NIM1K: variants seen among roughly 807,000 people sequenced by gnomAD.
NIM1K encodes the protein NIM1 serine/threonine protein kinase, also known as serine/threonine-protein kinase NIM1.
In NIM1K, 35 loss-of-function variants were observed where a neutral mutation model predicts 37.1. The observed-to-expected ratio is 0.94, with a 90% CI of 0.72 to 1.25. The LOEUF is 1.25. Ranked by LOEUF, NIM1K falls within the 50% of genes most tolerant of loss-of-function variation. The pLI is 0.00. For synonymous variants in NIM1K, 234 were observed against 206.6 expected, an observed-to-expected ratio of 1.13 and a Z score of -1.14; for missense variants, 564 against 548.0, an observed-to-expected ratio of 1.03 and a Z score of -0.29.
intron 2 of NIM1K, among the ~76,000 whole-genome samples, chr5:43,252,493 A>G (rs2112271533): frequency 6.6e-6 from 1 of 152,266 alleles, no homozygotes; most frequent in South Asian, 2.1e-4. Context: ...GACAGTTTGA[A>G]TAAGATAATA....
chr5:43,218,759 C>G (rs1293001538), intron 1 of NIM1K, among the ~76,000 whole-genome samples: 1 of 150,970 alleles, frequency 6.6e-6, no homozygotes, highest in Non-Finnish European at 1.5e-5. Context: ...TTCTGTCTCC[C>G]AGGCCCCAGT....
chr5:43,262,547 T>A (rs953534745), intron 2 of NIM1K, among the ~76,000 whole-genome samples: 1 of 152,096 alleles, frequency 6.6e-6, no homozygotes, highest in Non-Finnish European at 1.5e-5. Flanking sequence ...ATCATGTCAT[T>A]TGCAAACAGG....
At chr5:43,258,328 A>T (rs1458717447) in intron 2 of NIM1K, among the ~76,000 whole-genome samples, 3 of 152,236 alleles carry the variant, frequency 2.0e-5, no homozygotes, top group African/African-American at 7.2e-5. Context: ...TGAATGTAGT[A>T]CCACAATTTA....
At chr5:43,193,401 C>T (rs1385288288) in intron 1 of NIM1K, 1 of 150,342 alleles carries the variant, frequency 6.7e-6, no homozygotes, top group East Asian at 2.0e-4. Context: ...CCCCTTCCCT[C>T]CCCTGTTTTC....
chr5:43,272,572 C>T (rs560194554), intron 2 of NIM1K, among the ~76,000 whole-genome samples: 140 of 152,250 alleles, frequency 9.2e-4, no homozygotes, highest in African/African-American at 2.7e-3. Context: ...CAGCCCCTCA[C>T]GGTAAGGCTG....
chr5:43,226,702 C>T (rs1220713584), intron 1 of NIM1K, among the ~76,000 whole-genome samples: 1 of 152,192 alleles, frequency 6.6e-6, no homozygotes, highest in African/African-American at 2.4e-5. Context: ...CAGCATGATG[C>T]CTGTGATGGC....
At chr5:43,229,464 A>G (rs1490403570) in intron 1 of NIM1K, among the ~76,000 whole-genome samples, 1 of 151,998 alleles carries the variant, frequency 6.6e-6, no homozygotes, top group Admixed American at 6.6e-5. Flanking sequence ...GATGTATCAG[A>G]AAACTAAAAT....
At chr5:43,232,026 G>A (rs943009448) in intron 1 of NIM1K, 4 of 1,023,544 alleles carry the variant, frequency 3.9e-6, no homozygotes, top group South Asian at 1.2e-5. Flanking sequence ...CAATGGCTGT[G>A]GTATTGCTCA....
chr5:43,260,572 A>G (rs1753011857), intron 2 of NIM1K, among the ~76,000 whole-genome samples: 1 of 152,026 alleles, frequency 6.6e-6, no homozygotes, highest in Admixed American at 6.6e-5. Context: ...TATCATATTT[A>G]TTGACTTGCA....
chr5:43,268,910 C>G (rs1289832375), intron 2 of NIM1K, among the ~76,000 whole-genome samples: 1 of 151,138 alleles, frequency 6.6e-6, no homozygotes, highest in Non-Finnish European at 1.5e-5. Context: ...CCATAATTGT[C>G]TCAGTGATAT....
chr5:43,277,311 G>A lies in NIM1K; in HGVS notation c.547G>A (p.Ala183Thr). The A allele has an allele frequency of 1.9e-6, 3 of 1,613,920 alleles. No individual in the cohort carries two copies. The highest frequency in any genetic ancestry group is 2.5e-6 in the Non-Finnish European group (3 of 1,179,922). Reference sequence around the variant, plus strand: ...GCTCATCTTCTCCCAGATTGTGTCTGCCGTGAAGCACATGGTGAGCAGGGG... The same window carrying A: ...GCTCATCTTCTCCCAGATTGTGTCTACCGTGAAGCACATGGTGAGCAGGGG... ...SKLIFSQIVS[A>T]VKHMHENQII... Residue 183 changes from alanine to threonine, a missense_variant, in exon 3 of 4, where the codon GCC becomes ACC. By Grantham distance (58) the Ala-to-Thr change is moderately conservative. Transcript: ENST00000326035.
chr5:43,275,218 C>A (rs543415573), intron 2 of NIM1K, among the ~76,000 whole-genome samples: 1 of 152,152 alleles, frequency 6.6e-6, no homozygotes, highest in Non-Finnish European at 1.5e-5. Flanking sequence ...TATTTTTCCT[C>A]ACTTGTATAG....
intron 2 of NIM1K, among the ~76,000 whole-genome samples, chr5:43,264,302 CT>C (rs1261284688): frequency 1.3e-5 from 2 of 152,162 alleles, no homozygotes; most frequent in Non-Finnish European, 2.9e-5. Context: ...AATCTGGGTG[CT>C]CTTTTATTGG....
At chr5:43,249,232 G>A (rs1401051720) in intron 2 of NIM1K, among the ~76,000 whole-genome samples, 8 of 151,844 alleles carry the variant, frequency 5.3e-5, no homozygotes. Flanking sequence ...ACCACGCCCG[G>A]CTAATTTTTT....
chr5:43,195,031 CTG>C (rs990993557), intron 1 of NIM1K, among the ~76,000 whole-genome samples: 1 of 152,154 alleles, frequency 6.6e-6, no homozygotes, highest in Non-Finnish European at 1.5e-5. Context: ...AATCTGATCA[CTG>C]TATTTCTCTA....
intron 1 of NIM1K, among the ~76,000 whole-genome samples, chr5:43,239,277 C>A (rs541777031): frequency 6.6e-6 from 1 of 152,136 alleles, no homozygotes; most frequent in South Asian, 2.1e-4. Flanking sequence ...ACTCTTGTTG[C>A]CCAGGCTGGA....
rs555453614 is a variant in NIM1K at position 43,264,216 on chromosome 5, T to C, written c.293-12841T>C. On this transcript the variant is annotated intron_variant, in intron 2 of 3. Coordinates refer to ENST00000326035, the MANE Select transcript of NIM1K (RefSeq NM_153361.4). ...TCATTGATCTGTCTAATGTTGACAG[T>C]GGGGTGTCAAAGCCTCCCATTATTA... Among the ~76,000 whole-genome samples the C allele has an allele frequency of 2.0e-5, 3 of 152,270 alleles. No individual in the cohort carries two copies. In the South Asian group the frequency reaches 6.2e-4, roughly 32 times the overall value.
chr5:43,201,598 T>A (rs557508007), intron 1 of NIM1K, among the ~76,000 whole-genome samples: 1 of 151,824 alleles, frequency 6.6e-6, no homozygotes, highest in African/African-American at 2.4e-5. Flanking sequence ...CCATTCATAT[T>A]TGTGAAGCCA....
intron 1 of NIM1K, among the ~76,000 whole-genome samples, chr5:43,210,597 A>T (rs1177670918): frequency 6.6e-6 from 1 of 152,160 alleles, no homozygotes; most frequent in African/African-American, 2.4e-5. Context: ...TCAGCGGGGT[A>T]TGGGTTGAGG....
Sources: gnomAD v4.1 joint callset for allele counts (sites outside exome capture counted in the v4.1 genomes callset) on GRCh38, gnomAD v4.1.1 for gene constraint, MANE v1.5 for transcripts, NCBI Gene and HGNC (gene_info 2026-07-23, HGNC 2026-07-21) for gene names.